ERC2: variants seen among roughly 807,000 people sequenced by gnomAD.
The protein encoded by ERC2 is ERC protein 2.
In ERC2, 42 loss-of-function variants were observed where a neutral mutation model predicts 114.8. That is an observed-to-expected ratio of 0.37 (90% confidence interval 0.29 to 0.47). ERC2 has a LOEUF of 0.47. Among genes scored for constraint, ERC2 ranks in the 20% least tolerant of loss-of-function variants. The pLI is 0.99. For missense variants in ERC2, 939 were observed against 1,150.7 expected (o/e 0.82, Z 2.66); for synonymous variants, 454 against 425.5 (o/e 1.07, Z -0.82).
intron 3 of ERC2, among the ~76,000 whole-genome samples, chr3:56,200,017 G>C (rs1242668377): frequency 6.6e-6 from 1 of 152,128 alleles, no homozygotes; most frequent in Non-Finnish European, 1.5e-5. Flanking sequence ...GGATGTGTGG[G>C]TATGAGGAAT....
At chr3:55,570,602 T>A (rs1227314445) in intron 17 of ERC2, among the ~76,000 whole-genome samples, 1 of 152,106 alleles carries the variant, frequency 6.6e-6, no homozygotes, top group East Asian at 1.9e-4. Flanking sequence ...ATTCTCTAAC[T>A]CACCACTGGC....
intron 17 of ERC2, among the ~76,000 whole-genome samples, chr3:55,562,325 G>C (rs893507192): frequency 6.6e-6 from 1 of 151,974 alleles, no homozygotes; most frequent in Non-Finnish European, 1.5e-5. Context: ...GCTAATTTTT[G>C]TATTTTTAGT....
chr3:56,039,289 A>T (rs1238892487), intron 7 of ERC2, among the ~76,000 whole-genome samples: 2 of 152,212 alleles, frequency 1.3e-5, no homozygotes, highest in African/African-American at 2.4e-5. Flanking sequence ...CTAATAAACA[A>T]ATCCAGTAAT....
At chr3:55,567,455 A>C (rs976334203) in intron 17 of ERC2, among the ~76,000 whole-genome samples, 1 of 152,256 alleles carries the variant, frequency 6.6e-6, no homozygotes, top group African/African-American at 2.4e-5. Flanking sequence ...CATCCAAATA[A>C]AATGAGATTC....
At chr3:55,853,221 G>A (rs2061649373) in intron 14 of ERC2, among the ~76,000 whole-genome samples, 1 of 152,146 alleles carries the variant, frequency 6.6e-6, no homozygotes, top group African/African-American at 2.4e-5. Context: ...AAAATTAAAA[G>A]ATACACATAG....
In ERC2 at chr3:55,656,098, C is replaced by CTTTATTTATTTATTTA. The variant is rs144217897; in HGVS notation, c.*39+27680_*39+27695dup. The stretch of plus-strand genomic sequence containing the variant: ...GGCACAGGTATATCCATGGAATGCA[C>CTTTATTTATTTATTTA]TTTATTTATTTATTTATTTATTTAT... On this transcript the variant is annotated intron_variant, in intron 17 of 17. Coordinates refer to ENST00000288221, the MANE Select transcript of ERC2 (RefSeq NM_015576.3). Among the ~76,000 whole-genome samples the CTTTATTTATTTATTTA allele has an allele frequency of 5.5e-3, 831 of 150,198 alleles. 5 individuals carry two copies. The highest frequency in any genetic ancestry group is 9.7e-3 in the East Asian group (49 of 5,060).
At chr3:55,640,218 T>C (rs145275378) in intron 17 of ERC2, among the ~76,000 whole-genome samples, 117 of 152,338 alleles carry the variant, frequency 7.7e-4, no homozygotes, top group South Asian at 1.2e-3. Context: ...TGATAGCCCA[T>C]TCTTGGTCCA....
intron 7 of ERC2, among the ~76,000 whole-genome samples, chr3:56,029,222 T>C (rs2074233733): frequency 6.6e-6 from 1 of 151,764 alleles, no homozygotes; most frequent in South Asian, 2.1e-4. Flanking sequence ...GAGAGTTTTA[T>C]ATCTAAATTC....
chr3:55,893,146 C>T (rs1392908973), intron 13 of ERC2, among the ~76,000 whole-genome samples: 1 of 152,168 alleles, frequency 6.6e-6, no homozygotes, highest in Non-Finnish European at 1.5e-5. Context: ...CTTAGACTTC[C>T]CAGCCTCCAG....
intron 2 of ERC2, among the ~76,000 whole-genome samples, chr3:56,433,558 T>C (rs1359582875): frequency 6.6e-6 from 1 of 152,214 alleles, no homozygotes; most frequent in Admixed American, 6.5e-5. Flanking sequence ...GCTGGAAATG[T>C]TGGCCCAGGC....
chr3:55,993,099 C>T (rs2071207883), intron 10 of ERC2, among the ~76,000 whole-genome samples: 1 of 152,036 alleles, frequency 6.6e-6, no homozygotes, highest in African/African-American at 2.4e-5. Flanking sequence ...TGAAATATTC[C>T]CAGACAGATA....
chr3:55,706,813 T>A (rs1468440837), intron 15 of ERC2, among the ~76,000 whole-genome samples: 1 of 152,198 alleles, frequency 6.6e-6, no homozygotes, highest in Non-Finnish European at 1.5e-5. Flanking sequence ...CACCTGTGAC[T>A]CCTAGGCTCT....
chr3:56,090,458 T>C (rs1475488576), intron 6 of ERC2, among the ~76,000 whole-genome samples: 1 of 152,152 alleles, frequency 6.6e-6, no homozygotes, highest in African/African-American at 2.4e-5. Flanking sequence ...AGGTTTGTGA[T>C]TTATTGAAAC....
chr3:56,359,933 C>T (rs771000902), intron 2 of ERC2, among the ~76,000 whole-genome samples: 25 of 152,162 alleles, frequency 1.6e-4, no homozygotes, highest in Admixed American at 8.5e-4. Context: ...ACAATCTAAA[C>T]ACCTCCCCTT....
chr3:55,857,299 G>T (rs1473226417), intron 14 of ERC2, among the ~76,000 whole-genome samples: 2 of 152,140 alleles, frequency 1.3e-5, no homozygotes, highest in Non-Finnish European at 2.9e-5. Flanking sequence ...GTGAAGCAAA[G>T]ACCAGAATGT....
At chr3:55,817,516 A>G (rs2059949361) in intron 14 of ERC2, among the ~76,000 whole-genome samples, 1 of 152,326 alleles carries the variant, frequency 6.6e-6, no homozygotes, top group East Asian at 1.9e-4. Context: ...TCAGGTTGCA[A>G]ATAAGCGATA....
At chr3:56,130,842 T>C (rs1309640296) in intron 6 of ERC2, among the ~76,000 whole-genome samples, 1 of 152,192 alleles carries the variant, frequency 6.6e-6, no homozygotes, top group Non-Finnish European at 1.5e-5. Flanking sequence ...AGAAGGTAAA[T>C]GTGGCCCCTA....
chr3:56,388,988 T>C (rs1285133726), intron 2 of ERC2, among the ~76,000 whole-genome samples: 1 of 152,158 alleles, frequency 6.6e-6, no homozygotes, highest in Non-Finnish European at 1.5e-5. Flanking sequence ...ATGAAAATTA[T>C]GGAGCAAAGC....
chr3:56,467,470 G>A (rs1263560431), intron 1 of ERC2, among the ~76,000 whole-genome samples: 1 of 152,164 alleles, frequency 6.6e-6, no homozygotes, highest in Non-Finnish European at 1.5e-5. Context: ...CGAACGGAGA[G>A]TTTACGAGCG....
Sources: gnomAD v4.1 joint callset for allele counts (sites outside exome capture counted in the v4.1 genomes callset) on GRCh38, gnomAD v4.1.1 for gene constraint, MANE v1.5 for transcripts, NCBI Gene and HGNC (gene_info 2026-07-23, HGNC 2026-07-21) for gene names.